PIEZO2: variants seen among roughly 807,000 people sequenced by gnomAD.
PIEZO2 encodes the protein piezo-type mechanosensitive ion channel component 2.
In PIEZO2, 172 loss-of-function variants were observed where a neutral mutation model predicts 337.3. The observed-to-expected ratio is 0.51, with a 90% CI of 0.45 to 0.58. The LOEUF is 0.58. Ranked by LOEUF, PIEZO2 falls within the 20% of genes least tolerant of loss-of-function variation. The pLI is 0.00. For missense variants in PIEZO2, 3,028 were observed against 3,391.3 expected (o/e 0.89, Z 2.66); for synonymous variants, 1,251 against 1,228.5 (o/e 1.02, Z -0.38).
chr18:10,824,270 T>C lies in PIEZO2; in HGVS notation c.918-16996A>G, dbSNP rs1333459247. On this transcript the variant is annotated intron_variant, in intron 7 of 55. Coordinates refer to ENST00000674853, the MANE Select transcript of PIEZO2 (RefSeq NM_001378183.1). This position sits in a 1 kb window ranked among gnomAD's most constrained non-coding sequence, Gnocchi z 4.4. Reference sequence around the variant, plus strand: ...TCCATAGTCTGTGGGAAAAAATGTATTTAAAATAAAGGCAACAAGAAGGTG... The same window carrying C: ...TCCATAGTCTGTGGGAAAAAATGTACTTAAAATAAAGGCAACAAGAAGGTG... Among the ~76,000 whole-genome samples the C allele has an allele frequency of 1.3e-5, 2 of 152,200 alleles. No individual in the cohort carries two copies. Among genetic ancestry groups the C allele is most frequent in the South Asian group, 2.1e-4 (1 of 4,834 alleles).
At chr18:11,106,025 G>T (rs978700252) in intron 1 of PIEZO2, among the ~76,000 whole-genome samples, 1 of 152,138 alleles carries the variant, frequency 6.6e-6, no homozygotes, top group Non-Finnish European at 1.5e-5. Flanking sequence ...TTTGGCCATT[G>T]TTCTCTTAAG....
chr18:10,770,049 A>C, intron 21 of PIEZO2, 99 bp downstream of exon 21: 1 of 1,271,710 alleles, frequency 7.9e-7, no homozygotes, highest in Non-Finnish European at 1.1e-6. Context: ...CTCCGATGTA[A>C]TGCGGATCAC....
In PIEZO2 at chr18:11,116,586, G is replaced by GAC. The variant is rs2039894849; in HGVS notation, c.64+31938_64+31939insGT. Among the ~76,000 whole-genome samples, 1 of 152,032 alleles carries GAC rather than the reference G, an allele frequency of 6.6e-6. No homozygotes were observed. The highest frequency in any genetic ancestry group is 1.5e-5 in the Non-Finnish European group (1 of 67,998). On this transcript the variant is annotated intron_variant, in intron 1 of 55. Transcript: ENST00000674853. The surrounding 1 kb of genome is among the most constrained non-coding windows in gnomAD (Gnocchi z 5.0). ...AAAAATTAGCCGGGCGTGGTGGCGG[G>GAC]GGGCCTGTAGTCCCAGCTACTCGGG...
At position 10,804,012 on chromosome 18, in the gene PIEZO2, G is replaced by A. The variant is rs2039913553; in HGVS notation, c.1081-18C>T. On this transcript the variant is annotated intron_variant, in intron 8 of 55. Transcript: ENST00000674853. ...TCCTGCACCTGAAACACAGAAACAG[G>A]ATCAGTCTTGCTTCCTGAGGCAGTT... The A allele has an allele frequency of 2.0e-6, 3 of 1,537,078 alleles. No homozygotes were observed. The highest frequency in any genetic ancestry group is 4.9e-5 in the East Asian group (2 of 40,916).
chr18:10,878,708 T>A lies in PIEZO2; in HGVS notation c.330-7293A>T, dbSNP rs2042331244. ...CTGTCTCTAAGCACAGAGTATTGGT[T>A]GTGAAGTTATATATGAAGGAAGTAA... On this transcript the variant is annotated intron_variant, in intron 4 of 55. Coordinates refer to ENST00000674853, the MANE Select transcript of PIEZO2 (RefSeq NM_001378183.1). The surrounding 1 kb of genome is among the most constrained non-coding windows in gnomAD (Gnocchi z 4.3). Among the ~76,000 whole-genome samples the A allele has an allele frequency of 6.6e-6, 1 of 151,884 alleles. No individual in the cohort carries two copies. Among genetic ancestry groups the A allele is most frequent in the South Asian group, 2.1e-4 (1 of 4,824 alleles).
Position 10,979,774 on chromosome 18 carries a change from G to A in PIEZO2, c.161-114C>T. Reference sequence around the variant, plus strand: ...TAGATAGACCGACTCAAAAGTATATGGAATGTAATAATTATCATCTTAATT... The same window carrying A: ...TAGATAGACCGACTCAAAAGTATATAGAATGTAATAATTATCATCTTAATT... On this transcript the variant is annotated intron_variant, in intron 2 of 55. Coordinates refer to ENST00000674853, the MANE Select transcript of PIEZO2 (RefSeq NM_001378183.1). This position sits in a 1 kb window ranked among gnomAD's most constrained non-coding sequence, Gnocchi z 4.0. The A allele has an allele frequency of 1.1e-6, 1 of 906,838 alleles. No homozygotes were observed. 56.2% of individuals were successfully genotyped at this position (906,838 alleles called of 1,614,324 possible). A position where few individuals can be genotyped will look rare whatever the true frequency, so the allele number is the denominator to read the frequency against.
intron 3 of PIEZO2, among the ~76,000 whole-genome samples, chr18:10,912,311 G>A (rs987428158): frequency 3.3e-5 from 5 of 152,114 alleles, no homozygotes; most frequent in African/African-American, 1.2e-4. Context: ...CCAAAAGTAA[G>A]GATTTGTGCT....
At chr18:10,691,156 G>A in intron 48 of PIEZO2, 69 bp downstream of exon 48, 1 of 1,511,682 alleles carries the variant, frequency 6.6e-7, no homozygotes, top group Admixed American at 1.9e-5. Context: ...CTTCCCAGTT[G>A]GGAATCAAAA....
intron 3 of PIEZO2, among the ~76,000 whole-genome samples, chr18:10,932,833 A>G (rs1453633165): frequency 6.6e-6 from 1 of 152,046 alleles, no homozygotes; most frequent in East Asian, 1.9e-4. Context: ...CTGAGGCAGG[A>G]GAATCACTTG....
intron 47 of PIEZO2, among the ~76,000 whole-genome samples, chr18:10,693,818 C>T (rs892888283): frequency 2.0e-5 from 3 of 151,982 alleles, no homozygotes; most frequent in African/African-American, 7.3e-5. Context: ...GCTTGGAAAG[C>T]GTTTTAAGGT....
In PIEZO2 at chr18:11,143,104, A is replaced by C. The variant is rs902793150; in HGVS notation, c.64+5421T>G. On this transcript the variant is annotated intron_variant, in intron 1 of 55. Coordinates refer to ENST00000674853, the MANE Select transcript of PIEZO2 (RefSeq NM_001378183.1). This position sits in a 1 kb window ranked among gnomAD's most constrained non-coding sequence, Gnocchi z 4.9. ...AAAAAAAAGAAAAAAGAAAAAGAAA[A>C]AGTTTTCCAATATTTTTGTTTTTAG... Among the ~76,000 whole-genome samples the C allele has an allele frequency of 6.6e-6, 1 of 152,056 alleles. No individual in the cohort carries two copies. Among genetic ancestry groups the C allele is most frequent in the African/African-American group, 2.4e-5 (1 of 41,420 alleles).
intron 3 of PIEZO2, among the ~76,000 whole-genome samples, chr18:10,951,973 C>T (rs1377264274): frequency 6.6e-6 from 1 of 152,174 alleles, no homozygotes; most frequent in Non-Finnish European, 1.5e-5. Context: ...TATAACTGTA[C>T]TTTGTCAAGT....
At position 10,815,186 on chromosome 18, in the gene PIEZO2, T is replaced by C. The variant is rs960037529; in HGVS notation, c.918-7912A>G. Among the ~76,000 whole-genome samples, 1 of 152,280 alleles carries C rather than the reference T, an allele frequency of 6.6e-6. No individual in the cohort carries two copies. Among genetic ancestry groups the C allele is most frequent in the Non-Finnish European group, 1.5e-5 (1 of 68,010 alleles). On this transcript the variant is annotated intron_variant, in intron 7 of 55. Transcript: ENST00000674853. The surrounding 1 kb of genome is among the most constrained non-coding windows in gnomAD (Gnocchi z 4.1). Reference sequence around the variant, plus strand: ...TCTTATTTTTAAAGGTTAAAAACAATGAAAATTCAAGTGGCACATATTCTA... The same window carrying C: ...TCTTATTTTTAAAGGTTAAAAACAACGAAAATTCAAGTGGCACATATTCTA...
At chr18:10,983,516 G>C (rs1216681071) in intron 2 of PIEZO2, among the ~76,000 whole-genome samples, 3 of 152,068 alleles carry the variant, frequency 2.0e-5, no homozygotes, top group Admixed American at 2.0e-4. Flanking sequence ...GGTCCTTTCT[G>C]TCTCACTTCA....
At chr18:10,761,478 C>T (rs1856127521) in intron 23 of PIEZO2, among the ~76,000 whole-genome samples, 1 of 152,158 alleles carries the variant, frequency 6.6e-6, no homozygotes, top group Non-Finnish European at 1.5e-5. Context: ...TCCTGGGACG[C>T]ACTGAGCTAA....
At chr18:10,780,910 TC>T (rs770755119) in intron 17 of PIEZO2, among the ~76,000 whole-genome samples, 30 of 151,824 alleles carry the variant, frequency 2.0e-4, no homozygotes, top group Non-Finnish European at 3.2e-4. Flanking sequence ...TGATCCACCC[TC>T]CTCAGCCTCC....
chr18:10,673,861 T>G lies in PIEZO2; in HGVS notation c.8162-988A>C, dbSNP rs2033882650. 6.6e-6 allele frequency among the ~76,000 whole-genome samples: 1 copy of G among 152,318 alleles called. No individual in the cohort carries two copies. Among genetic ancestry groups the G allele is most frequent in the African/African-American group, 2.4e-5 (1 of 41,570 alleles). On this transcript the variant is annotated intron_variant, in intron 54 of 55. Transcript: ENST00000674853. This position sits in a 1 kb window ranked among gnomAD's most constrained non-coding sequence, Gnocchi z 4.8. ...CCACATTGGAAGAAGAAGAATTGTC[T>G]TGGGTCACCCAGGAAATATACTAAC...
intron 9 of PIEZO2, among the ~76,000 whole-genome samples, chr18:10,803,228 A>T (rs1251843666): frequency 6.6e-6 from 1 of 152,228 alleles, no homozygotes; most frequent in Admixed American, 6.5e-5. Flanking sequence ...AGTGAGTTAC[A>T]GGTATCGAAC....
chr18:10,740,961 A>C (rs1160901116), intron 33 of PIEZO2, 70 bp downstream of exon 33: 1 of 1,430,930 alleles, frequency 7.0e-7, no homozygotes, highest in East Asian at 2.5e-5. Context: ...GGTCACGGGA[A>C]CGCCTGAATT....
Sources: allele counts gnomAD v4.1 joint callset (sites outside exome capture counted in the v4.1 genomes callset), GRCh38; gene constraint gnomAD v4.1.1; non-coding constraint Gnocchi (gnomAD v3.1); transcripts MANE v1.5; gene names NCBI Gene and HGNC (gene_info 2026-07-23, HGNC 2026-07-21).